OARD1: variants seen among roughly 807,000 people sequenced by gnomAD.
The protein encoded by OARD1 is O-acyl-ADP-ribose deacylase 1, also known as ADP-ribose glycohydrolase OARD1.
In OARD1, 19 loss-of-function variants were observed where a neutral mutation model predicts 19.7. That is an observed-to-expected ratio of 0.96 (90% CI 0.67 to 1.41). The LOEUF (loss-of-function observed/expected upper bound fraction) is 1.41. Ranked by LOEUF, OARD1 falls within the 40% of genes most tolerant of loss-of-function variation. The probability of loss-of-function intolerance (pLI) is 0.00; values close to 1 mark genes in which losing one functional copy is unlikely to be tolerated. For synonymous variants in OARD1, 70 were observed against 61.8 expected (o/e 1.13, Z -0.62); for missense variants, 190 against 183.8 (o/e 1.03, Z -0.20).
At chr6:41,094,224 ATTAC>A (rs1342076903) in intron 1 of OARD1, among the ~76,000 whole-genome samples, 7 of 152,164 alleles carry the variant, frequency 4.6e-5, no homozygotes, top group Non-Finnish European at 7.3e-5. Flanking sequence ...GGTTAGCTAT[ATTAC>A]TTACTAGGTG....
intron 5 of OARD1, among the ~76,000 whole-genome samples, chr6:41,067,866 G>A (rs2114044986): frequency 6.6e-6 from 1 of 152,274 alleles, no homozygotes; most frequent in South Asian, 2.1e-4. Flanking sequence ...CTGCAAAAAA[G>A]AAAGTCAAGA....
Position 41,089,509 on chromosome 6 carries a change from A to G in OARD1, c.-42+8204T>C, listed in dbSNP as rs2113811260. 8 of 1,436,074 alleles carry G rather than the reference A, an allele frequency of 5.6e-6. No homozygotes were observed. The East Asian group carries it at 1.5e-4, about 28-fold the overall frequency. 89.0% of individuals were successfully genotyped at this position (1,436,074 alleles called of 1,614,324 possible). A position where few individuals can be genotyped will look rare whatever the true frequency, so the allele number is the denominator to read the frequency against. ...TTTTCTGCTTTCTAGAGAAATGTGGATAACTCTCGGGGACCAAAGGAGACC... is the reference window on the plus strand; with the variant it reads ...TTTTCTGCTTTCTAGAGAAATGTGGGTAACTCTCGGGGACCAAAGGAGACC... On this transcript the variant is annotated intron_variant, in intron 1 of 4. Coordinates refer to the OARD1 transcript ENST00000480585.
intron 1 of OARD1, among the ~76,000 whole-genome samples, chr6:41,082,698 G>A (rs922255095): frequency 3.3e-5 from 5 of 152,126 alleles, no homozygotes; most frequent in African/African-American, 1.2e-4. Flanking sequence ...TAGTTATTTT[G>A]GTTATTCTTG....
chr6:41,078,972 C>T lies in OARD1; in HGVS notation c.-41-7297G>A, dbSNP rs1276606187. On this transcript the variant is annotated intron_variant, in intron 1 of 4. Coordinates refer to the OARD1 transcript ENST00000480585. Reference sequence around the variant, plus strand: ...GTGATAAATTATCCAGGTTAATTGTCTGGTAAGGCCTTTATTGACAATCTC... The same window carrying T: ...GTGATAAATTATCCAGGTTAATTGTTTGGTAAGGCCTTTATTGACAATCTC... The T allele has an allele frequency of 4.0e-6, 3 of 742,958 alleles. No homozygotes were observed. In the African/African-American group the frequency reaches 5.2e-5, roughly 13 times the overall value. The allele number at this position is 742,958 out of a possible 1,614,324, so 46.0% of individuals were successfully genotyped here. A position where few individuals can be genotyped will look rare whatever the true frequency, so the allele number is the denominator to read the frequency against.
intron 1 of OARD1, among the ~76,000 whole-genome samples, chr6:41,082,156 T>C (rs6918969): frequency 0.34 from 51,118 of 152,064 alleles, 9,247 homozygotes; most frequent in African/African-American, 0.47. Context: ...CTACCTCTTA[T>C]TGTCATCACT....
rs565078409 is a variant in OARD1, at chr6:41,066,645, C to A, written c.*690G>T. ...ACCATGAGGAGATTCTAAAAACCTG[C>A]CTTTTGACTTGTCTATTTTTATCTC... On this transcript the variant is annotated 3_prime_UTR_variant, in exon 6 of 6. Coordinates refer to ENST00000424266, the MANE Select transcript of OARD1 (RefSeq NM_001329686.2). The A allele has an allele frequency of 6.6e-6, 1 of 152,236 alleles. No homozygotes were observed. Among genetic ancestry groups the A allele is most frequent in the African/African-American group, 2.4e-5 (1 of 41,520 alleles). The allele number at this position is 152,236 out of a possible 1,614,324, so 9.4% of individuals were successfully genotyped here.
chr6:41,079,128 G>A, intron 1 of OARD1: 2 of 1,614,180 alleles, frequency 1.2e-6, no homozygotes. Context: ...GTTCGACAGA[G>A]CAGATTGTTG....
chr6:41,093,607 A>C (rs1764257647), intron 1 of OARD1, among the ~76,000 whole-genome samples: 1 of 151,910 alleles, frequency 6.6e-6, no homozygotes, highest in South Asian at 2.1e-4. Context: ...AGTAGCTGGG[A>C]TTACAGGTGT....
At chr6:41,084,171 T>C (rs374886963) in intron 1 of OARD1, 49 of 1,614,022 alleles carry the variant, frequency 3.0e-5, no homozygotes, top group Non-Finnish European at 4.0e-5. Flanking sequence ...TACCTGTTTC[T>C]GGAACACAGG....
At chr6:41,085,307 A>C (rs1464454476) in intron 1 of OARD1, among the ~76,000 whole-genome samples, 3 of 152,228 alleles carry the variant, frequency 2.0e-5, no homozygotes, top group African/African-American at 7.2e-5. Flanking sequence ...ATAAAATTGC[A>C]ATCTGAGTGT....
intron 5 of OARD1, among the ~76,000 whole-genome samples, chr6:41,068,478 C>T (rs550038102): frequency 3.3e-5 from 5 of 152,204 alleles, no homozygotes; most frequent in Non-Finnish European, 7.4e-5. Flanking sequence ...AGAGGAAAAC[C>T]ACCATTGCTC....
upstream of OARD1, among the ~76,000 whole-genome samples, chr6:41,074,174 C>G (rs1225145700): frequency 6.6e-6 from 1 of 152,144 alleles, no homozygotes; most frequent in Non-Finnish European, 1.5e-5. Context: ...ACCCAGTCCA[C>G]TCATCTCTTG....
intron 3 of OARD1, 101 bp from the exon 4 acceptor site, chr6:41,070,235 G>T (rs1167946242): frequency 2.8e-6 from 2 of 725,202 alleles, no homozygotes; most frequent in Non-Finnish European, 2.4e-6. Context: ...CTCAGAACTA[G>T]AATTTTCAAC....
In OARD1 at chr6:41,064,965, G is replaced by A. The variant is rs1397985984; in HGVS notation, c.*2370C>T. 1 of 151,602 alleles carries A rather than the reference G, an allele frequency of 6.6e-6. No individual in the cohort carries two copies. The highest frequency in any genetic ancestry group is 1.5e-5 in the Non-Finnish European group (1 of 67,958). The allele number at this position is 151,602 out of a possible 1,614,324, so 9.4% of individuals were successfully genotyped here. The stretch of plus-strand genomic sequence containing the variant: ...CCTATGTGGAAGCAAAAATTCACAG[G>A]TGAATTTCCGGGTGTTTGCCAAACT... On this transcript the variant is annotated 3_prime_UTR_variant, in exon 6 of 6. Coordinates refer to ENST00000424266, the MANE Select transcript of OARD1 (RefSeq NM_001329686.2).
intron 1 of OARD1, chr6:41,089,745 C>A: frequency 6.2e-7 from 1 of 1,602,056 alleles, no homozygotes; most frequent in South Asian, 1.1e-5. Flanking sequence ...AGGAGCAAAA[C>A]TGATTTGGAA....
chr6:41,073,553 G>T (rs1181233877), upstream of OARD1, among the ~76,000 whole-genome samples: 2 of 152,008 alleles, frequency 1.3e-5, no homozygotes, highest in South Asian at 4.1e-4. Flanking sequence ...AAGCCTCCCC[G>T]GGGCCCGCGC....
At chr6:41,069,505 G>A (rs527892922) in intron 4 of OARD1, 146 of 163,296 alleles carry the variant, frequency 8.9e-4, no homozygotes, top group African/African-American at 3.3e-3. Flanking sequence ...TCCAGATCAG[G>A]CTTGTAGTGG....
intron 1 of OARD1, chr6:41,097,558 T>TA: frequency 2.6e-6 from 2 of 758,154 alleles, no homozygotes; most frequent in Non-Finnish European, 4.3e-6. Flanking sequence ...GGCTCAGTAT[T>TA]ACAATTGCAG....
rs773043778 is a variant in OARD1 at position 41,071,260 on chromosome 6, C to T, written c.56G>A (p.Gly19Glu). The change falls in exon 3 of 6, where the codon GGA becomes GAA. Residue 19 changes from glycine (G) to glutamate (E), a missense_variant. By Grantham distance (98) the Gly-to-Glu change is moderately conservative. Coordinates refer to ENST00000424266, the MANE Select transcript of OARD1 (RefSeq NM_001329686.2). ...TGTTTTCGGGCATGCAAAAAGGTCT[C>T]CTTTCACATAAGTGATCTAAAAAAT... The part of the protein sequence containing the change: ...PEGSRITYVK[G>E]DLFACPKTDS... 2 of 1,614,016 alleles carry T rather than the reference C, an allele frequency of 1.2e-6. No homozygotes were observed. Among genetic ancestry groups the T allele is most frequent in the South Asian group, 2.2e-5 (2 of 91,060 alleles).
Sources: gnomAD v4.1 joint callset for allele counts (sites outside exome capture counted in the v4.1 genomes callset) on GRCh38, gnomAD v4.1.1 for gene constraint, MANE v1.5 for transcripts, NCBI Gene and HGNC (gene_info 2026-07-23, HGNC 2026-07-21) for gene names.